Variants in GBP4 observed in about 807,000 individuals in gnomAD.
GBP4 encodes guanylate binding protein 4, also known as guanylate-binding protein 4.
Under a neutral mutation model 62.2 loss-of-function variants are expected in GBP4, and 69 were observed. The ratio of observed to expected loss-of-function variants is 1.11; its 90% CI spans 0.91 to 1.36. The LOEUF is 1.36. Among genes scored for constraint, GBP4 ranks in the 40% most tolerant of loss-of-function variants. The pLI, the probability that GBP4 is intolerant of heterozygous loss-of-function variation, is 0.00. For synonymous variants in GBP4, 278 were observed against 274.6 expected (o/e 1.01, Z -0.12); for missense variants, 697 against 759.3 (o/e 0.92, Z 0.96).
rs774546695 is a variant in GBP4, at chr1:89,197,060, T to C, written c.235+50A>G. ...ACCCTAGAGGGGGTGTGATCAGCTG[T>C]GTTATCACTGGTTCCAAGTAAATGG... On this transcript the variant is annotated intron_variant, in intron 2 of 10. Coordinates refer to ENST00000355754, the MANE Select transcript of GBP4 (RefSeq NM_052941.5). 3.3e-6 allele frequency: 5 copies of C among 1,510,280 alleles called. 1 individual carries two copies. Among genetic ancestry groups the C allele is most frequent in the South Asian group, 2.5e-5 (2 of 80,416 alleles). 93.6% of individuals were successfully genotyped at this position (1,510,280 alleles called of 1,614,324 possible).
At chr1:89,196,727 G>T (rs1029889418) in intron 2 of GBP4, among the ~76,000 whole-genome samples, 3 of 152,186 alleles carry the variant, frequency 2.0e-5, no homozygotes, top group African/African-American at 7.2e-5. Flanking sequence ...GAATTATAAT[G>T]CCTGTCCTTC....
Position 89,182,526 on chromosome 1 carries a change from G to A in GBP4, c.*2728C>T, listed in dbSNP as rs1237304554. ...AGACGGAGTTTCGCTCTGTCGCCCA[G>A]GCTGGAGTGCAGTGGCGCGATCTCG... On this transcript the variant is annotated 3_prime_UTR_variant, in exon 11 of 11. Transcript: ENST00000355754. 7.0e-6 allele frequency: 1 copy of A among 142,322 alleles called. No homozygotes were observed. Among genetic ancestry groups the A allele is most frequent in the African/African-American group, 2.6e-5 (1 of 38,280 alleles). The allele number at this position is 142,322 out of a possible 1,614,324, so 8.8% of individuals were successfully genotyped here. A position where few individuals can be genotyped will look rare whatever the true frequency, so the allele number is the denominator to read the frequency against.
chr1:89,190,326 A>T lies in GBP4; in HGVS notation c.917-8T>A, dbSNP rs749744566. 19 of 1,569,414 alleles carry T rather than the reference A, an allele frequency of 1.2e-5. No homozygotes were observed. In the East Asian group the frequency reaches 3.6e-4, roughly 30 times the overall value. On this transcript the variant is annotated splice_polypyrimidine_tract_variant and splice_region_variant and intron_variant, in intron 6 of 10. Coordinates refer to ENST00000355754, the MANE Select transcript of GBP4 (RefSeq NM_052941.5). Reference sequence around the variant, plus strand: ...CCACCAGAGTCCCCAGCCCTGAATCACATATATTTAGGGAAAATTTACAGT... The same window carrying T: ...CCACCAGAGTCCCCAGCCCTGAATCTCATATATTTAGGGAAAATTTACAGT...
chr1:89,185,172 C>T lies in GBP4; in HGVS notation c.*82G>A, dbSNP rs1647997269. Reference sequence around the variant, plus strand: ...GAATGAAACTGCTATAACACATATACTTACAAAATGAGCAACAGTGTTATG... The same window carrying T: ...GAATGAAACTGCTATAACACATATATTTACAAAATGAGCAACAGTGTTATG... On this transcript the variant is annotated 3_prime_UTR_variant, in exon 11 of 11. Coordinates refer to ENST00000355754, the MANE Select transcript of GBP4 (RefSeq NM_052941.5). 6 of 860,888 alleles carry T rather than the reference C, an allele frequency of 7.0e-6. No homozygotes were observed. Among genetic ancestry groups the T allele is most frequent in the Non-Finnish European group, 1.1e-5 (6 of 536,494 alleles). 53.3% of individuals were successfully genotyped at this position (860,888 alleles called of 1,614,324 possible).
rs1647950233 is a variant in GBP4 at position 89,183,607 on chromosome 1, T to G, written c.*1647A>C. On this transcript the variant is annotated 3_prime_UTR_variant, in exon 11 of 11. Transcript: ENST00000355754. ...ATCAAAAGAAACTATTGGCCAGATGTGGTGGCTCATGCCTAAATCCCAGTA... is the reference window on the plus strand; with the variant it reads ...ATCAAAAGAAACTATTGGCCAGATGGGGTGGCTCATGCCTAAATCCCAGTA... 6.6e-6 allele frequency: 1 copy of G among 152,152 alleles called. No homozygotes were observed. The highest frequency in any genetic ancestry group is 1.5e-5 in the Non-Finnish European group (1 of 68,004). 9.4% of individuals were successfully genotyped at this position (152,152 alleles called of 1,614,324 possible).
chr1:89,190,566 GC>G (rs1277426309), intron 6 of GBP4, among the ~76,000 whole-genome samples: 2 of 151,176 alleles, frequency 1.3e-5, no homozygotes, highest in Non-Finnish European at 1.5e-5. Flanking sequence ...ATTACCCATT[GC>G]AACCAATATG....
chr1:89,187,652 C>A (rs925193708), intron 8 of GBP4, among the ~76,000 whole-genome samples: 8 of 151,964 alleles, frequency 5.3e-5, no homozygotes, highest in Admixed American at 6.6e-5. Context: ...ACTCAAAAAA[C>A]CAATAAATAT....
At chr1:89,194,081 G>A (rs1026537284) in intron 3 of GBP4, among the ~76,000 whole-genome samples, 3 of 152,200 alleles carry the variant, frequency 2.0e-5, no homozygotes, top group African/African-American at 4.8e-5. Flanking sequence ...TCAAAAAGTT[G>A]ATAGAGTGTG....
At chr1:89,197,674 G>A (rs1369432913) in intron 1 of GBP4, among the ~76,000 whole-genome samples, 2 of 152,148 alleles carry the variant, frequency 1.3e-5, no homozygotes, top group South Asian at 2.1e-4. Flanking sequence ...ATAAATAGGG[G>A]CAGGATGTTA....
chr1:89,188,467 C>T (rs1316142671), intron 8 of GBP4, 115 bp downstream of exon 8: 2 of 806,772 alleles, frequency 2.5e-6, no homozygotes, highest in Non-Finnish European at 4.2e-6. Context: ...CTCAAAATAG[C>T]ATCATGTTCT....
In GBP4 at chr1:89,181,935, C is replaced by G. The variant is rs1299098357; in HGVS notation, c.*3319G>C. The stretch of plus-strand genomic sequence containing the variant: ...AAGAAGACTAAAATACCTAAAAATA[C>G]AGCTAACCAAGGAAGCAAAAGATAT... On this transcript the variant is annotated 3_prime_UTR_variant, in exon 11 of 11. Transcript: ENST00000355754. 4 of 152,150 alleles carry G rather than the reference C, an allele frequency of 2.6e-5. No individual in the cohort carries two copies. The highest frequency in any genetic ancestry group is 2.0e-4 in the Admixed American group (3 of 15,280). 9.4% of individuals were successfully genotyped at this position (152,150 alleles called of 1,614,324 possible).
At chr1:89,185,503 T>C in intron 10 of GBP4, 34 bp from the exon 11 acceptor site, 1 of 1,152,834 alleles carries the variant, frequency 8.7e-7, no homozygotes, top group Non-Finnish European at 1.3e-6. Flanking sequence ...TTTGAAAATC[T>C]CCAATTTTCT....
In GBP4 at chr1:89,195,365, GCA is replaced by G; in HGVS notation, c.293_294del (p.Val98AlafsTer5). 6.2e-7 allele frequency: 1 copy of G among 1,613,988 alleles called. No individual in the cohort carries two copies. Among genetic ancestry groups the G allele is most frequent in the Non-Finnish European group, 8.5e-7 (1 of 1,179,888 alleles). On this transcript the variant is annotated frameshift_variant, in exon 3 of 11. Coordinates refer to ENST00000355754, the MANE Select transcript of GBP4 (RefSeq NM_052941.5). LOFTEE classifies it high-confidence loss of function. ...GTGTGGTTTGGCTTAGAGAGGTGGGGCACACACCACATCCAGATGCCCTTAGT... is the reference window on the plus strand; with the variant it reads ...GTGTGGTTTGGCTTAGAGAGGTGGGGCACACCACATCCAGATGCCCTTAGT... ...SETKGIWMWC[V>X]PHLSKPNHTL...
Position 89,194,828 on chromosome 1 carries a change from C to T in GBP4, c.363+469G>A, listed in dbSNP as rs115528688. 5.6e-3 allele frequency among the ~76,000 whole-genome samples: 851 copies of T among 152,140 alleles called. 3 individuals are homozygous for T. The highest frequency in any genetic ancestry group is 0.02 in the African/African-American group (818 of 41,492). ...ACTAAAACCCTATTTTTTCATGGTC[C>T]CCTCCTCCAACCCCACACGCCTTAA... is the stretch of plus-strand genomic sequence containing the variant. On this transcript the variant is annotated intron_variant, in intron 3 of 10. Transcript: ENST00000355754.
intron 2 of GBP4, among the ~76,000 whole-genome samples, chr1:89,196,731 G>T (rs605339): frequency 0.63 from 96,203 of 152,012 alleles, 31,336 homozygotes; most frequent in East Asian, 0.8. Flanking sequence ...TATAATGCCT[G>T]TCCTTCTTCA....
intron 6 of GBP4, 38 bp from the exon 7 acceptor site, chr1:89,190,356 A>G: frequency 2.0e-6 from 3 of 1,509,286 alleles, no homozygotes; most frequent in Non-Finnish European, 2.7e-6. Context: ...TACAGTTCTT[A>G]CTCATTATTT....
Position 89,183,641 on chromosome 1 carries a change from G to T in GBP4, c.*1613C>A. On this transcript the variant is annotated 3_prime_UTR_variant, in exon 11 of 11. Transcript: ENST00000355754. ...ATGCCTAAATCCCAGTACTTTGGGAGGCTGAAGCAGGCAGATTGCTTGAGC... is the reference window on the plus strand; with the variant it reads ...ATGCCTAAATCCCAGTACTTTGGGATGCTGAAGCAGGCAGATTGCTTGAGC... The T allele has an allele frequency of 1.3e-5, 2 of 152,212 alleles. 1 individual carries two copies. Among genetic ancestry groups the T allele is most frequent in the Non-Finnish European group, 2.9e-5 (2 of 68,052 alleles). The allele number at this position is 152,212 out of a possible 1,614,324, so 9.4% of individuals were successfully genotyped here.
At chr1:89,186,967 A>G (rs1648053522) in intron 9 of GBP4, 33 bp downstream of exon 9, 1 of 1,597,010 alleles carries the variant, frequency 6.3e-7, no homozygotes, top group Non-Finnish European at 8.6e-7. Flanking sequence ...GGAAACTCCC[A>G]ATCCCTCTGA....
intron 6 of GBP4, 31 bp downstream of exon 6, chr1:89,191,230 C>T (rs1265789073): frequency 1.9e-6 from 3 of 1,604,844 alleles, no homozygotes; most frequent in African/African-American, 2.7e-5. Flanking sequence ...GGACCACAGA[C>T]AGACATGCTT....
Sources: allele counts gnomAD v4.1 joint callset (sites outside exome capture counted in the v4.1 genomes callset), GRCh38; gene constraint gnomAD v4.1.1; transcripts MANE v1.5; gene names NCBI Gene and HGNC (gene_info 2026-07-23, HGNC 2026-07-21).